HEATR3: variants seen among roughly 807,000 people sequenced by gnomAD.
HEATR3 encodes the protein HEAT repeat containing 3.
HEATR3 carries 56 observed loss-of-function variants against 72.8 expected under a neutral mutation model. The ratio of observed to expected loss-of-function variants is 0.77; its 90% CI spans 0.62 to 0.96. The LOEUF (loss-of-function observed/expected upper bound fraction) is 0.96. Ranked by LOEUF, HEATR3 falls within the 40% of genes least tolerant of loss-of-function variation. HEATR3 has a pLI of 0.00. For synonymous variants in HEATR3, 331 were observed against 318.1 expected (o/e 1.04, Z -0.43); for missense variants, 747 against 831.4 (o/e 0.90, Z 1.25).
At chr16:50,103,055 G>T (rs1340960559) in intron 14 of HEATR3, among the ~76,000 whole-genome samples, 5 of 152,198 alleles carry the variant, frequency 3.3e-5, no homozygotes, top group South Asian at 2.1e-4. Flanking sequence ...GAGCCACTGT[G>T]CCCAGCCATA....
At chr16:50,068,373 C>T (rs2036543688) in intron 2 of HEATR3, among the ~76,000 whole-genome samples, 2 of 152,132 alleles carry the variant, frequency 1.3e-5, no homozygotes, top group African/African-American at 2.4e-5. Context: ...TTCCTGAGCT[C>T]AATTGATCCT....
intron 12 of HEATR3, among the ~76,000 whole-genome samples, chr16:50,097,515 C>G (rs1388530161): frequency 1.3e-5 from 2 of 151,800 alleles, no homozygotes; most frequent in Non-Finnish European, 2.9e-5. Flanking sequence ...GTAGGAGTCC[C>G]TTCAAATTGG....
rs56374170 is a variant in HEATR3, at chr16:50,077,877, A to AT, written c.764-847dup. The stretch of plus-strand genomic sequence containing the variant: ...TACGGCTGCTGTGAAAATGGATGTA[A>AT]TTTTTTTTTTTTTTTTTGAAACAGA... On this transcript the variant is annotated intron_variant, in intron 6 of 14. Coordinates refer to ENST00000299192, the MANE Select transcript of HEATR3 (RefSeq NM_182922.4). Among the ~76,000 whole-genome samples the AT allele has an allele frequency of 7.3e-4, 76 of 104,326 alleles. 6 individuals carry two copies. The highest frequency in any genetic ancestry group is 2.6e-3 in the African/African-American group (68 of 26,600). The allele number at this position is 104,326 out of a possible 152,430, so 68.4% of individuals were successfully genotyped here.
chr16:50,075,783 T>C (rs2036714264), intron 6 of HEATR3, 72 bp downstream of exon 6: 2 of 1,336,542 alleles, frequency 1.5e-6, no homozygotes, highest in Non-Finnish European at 2.1e-6. Flanking sequence ...GGGCAAAATT[T>C]AGTCATTCAT....
intron 12 of HEATR3, among the ~76,000 whole-genome samples, chr16:50,097,744 G>A (rs556253475): frequency 9.3e-4 from 141 of 152,000 alleles, no homozygotes; most frequent in Non-Finnish European, 1.7e-3. Context: ...GCGAAACTCC[G>A]TCTCTACTGA....
intron 7 of HEATR3, among the ~76,000 whole-genome samples, chr16:50,080,722 C>T (rs190331430): frequency 3.9e-5 from 6 of 152,220 alleles, no homozygotes; most frequent in Admixed American, 2.6e-4. Flanking sequence ...CTTCCCACCT[C>T]GGCCTCTCAA....
At chr16:50,088,825 C>G (rs1358094595) in intron 11 of HEATR3, among the ~76,000 whole-genome samples, 1 of 152,162 alleles carries the variant, frequency 6.6e-6, no homozygotes, top group Non-Finnish European at 1.5e-5. Context: ...CCCCAAGTCT[C>G]TCACTGCTTC....
In HEATR3 at chr16:50,066,273, A is replaced by G; in HGVS notation, c.138+4A>G. ...GGCGGCGGAGCTGCTGGAAAAGGTG[A>G]GGCGAGGGCTCCGTCGGGCCGGGAG... On this transcript the variant is annotated splice_donor_region_variant and intron_variant, in intron 1 of 14. Coordinates refer to ENST00000299192, the MANE Select transcript of HEATR3 (RefSeq NM_182922.4). 6.4e-7 allele frequency: 1 copy of G among 1,572,220 alleles called. No homozygotes were observed. The highest frequency in any genetic ancestry group is 1.2e-5 in the South Asian group (1 of 86,910).
chr16:50,096,466 G>A (rs867773172), intron 12 of HEATR3, among the ~76,000 whole-genome samples: 12 of 151,924 alleles, frequency 7.9e-5, no homozygotes, highest in South Asian at 2.1e-4. Flanking sequence ...AAATTTTACT[G>A]AGATTTGATT....
intron 6 of HEATR3, among the ~76,000 whole-genome samples, chr16:50,077,183 T>A (rs936587174): frequency 5.9e-5 from 9 of 152,144 alleles, no homozygotes; most frequent in Non-Finnish European, 7.4e-5. Context: ...CTAATTTTTT[T>A]ATTTTTTTAG....
chr16:50,106,277 C>T lies in HEATR3; in HGVS notation c.*1216C>T, dbSNP rs926740489. The T allele has an allele frequency of 5.9e-5, 9 of 152,178 alleles. No homozygotes were observed. Among genetic ancestry groups the T allele is most frequent in the Admixed American group, 5.2e-4 (8 of 15,278 alleles). 9.4% of individuals were successfully genotyped at this position (152,178 alleles called of 1,614,324 possible). On this transcript the variant is annotated 3_prime_UTR_variant, in exon 15 of 15. Coordinates refer to ENST00000299192, the MANE Select transcript of HEATR3 (RefSeq NM_182922.4). ...AGCTAATGGGGTCATTGCCATCCTCCCTACTCATGACTTTGATGAGTTATT... is the reference window on the plus strand; with the variant it reads ...AGCTAATGGGGTCATTGCCATCCTCTCTACTCATGACTTTGATGAGTTATT...
At chr16:50,077,191 T>A (rs2036754701) in intron 6 of HEATR3, among the ~76,000 whole-genome samples, 1 of 151,558 alleles carries the variant, frequency 6.6e-6, no homozygotes, top group African/African-American at 2.4e-5. Flanking sequence ...TTTATTTTTT[T>A]AGTAGAGACG....
Position 50,075,729 on chromosome 16 carries a change from G to A in HEATR3, c.763+18G>A, listed in dbSNP as rs200605948. On this transcript the variant is annotated intron_variant, in intron 6 of 14. Coordinates refer to ENST00000299192, the MANE Select transcript of HEATR3 (RefSeq NM_182922.4). ...GGTAGCAGGTAAAATTTAGCCTTAC[G>A]GCATAGTATATTGTTTCAGTAGCTT... The A allele has an allele frequency of 9.2e-5, 148 of 1,603,776 alleles. No individual in the cohort carries two copies. In the East Asian group the frequency reaches 1.3e-3, roughly 14 times the overall value.
chr16:50,097,707 G>A (rs1028884176), intron 12 of HEATR3, among the ~76,000 whole-genome samples: 6 of 152,062 alleles, frequency 3.9e-5, no homozygotes, highest in Admixed American at 1.3e-4. Context: ...TTGAGGTCAG[G>A]AGTTTGAGAC....
intron 12 of HEATR3, among the ~76,000 whole-genome samples, chr16:50,098,766 T>A (rs935493086): frequency 3.3e-5 from 5 of 151,980 alleles, no homozygotes; most frequent in African/African-American, 1.2e-4. Context: ...TACTTTGTAG[T>A]AGTGACATTA....
chr16:50,086,154 T>G (rs2036981460), intron 10 of HEATR3, 61 bp from the exon 11 acceptor site: 1 of 1,472,372 alleles, frequency 6.8e-7, no homozygotes, highest in African/African-American at 1.4e-5. Flanking sequence ...TAAAAGTTAA[T>G]ACTGAATTCT....
At chr16:50,100,167 T>A (rs1420233646) in intron 12 of HEATR3, 63 bp from the exon 13 acceptor site, 1 of 1,526,490 alleles carries the variant, frequency 6.6e-7, no homozygotes, top group Admixed American at 1.9e-5. Flanking sequence ...AGTCCGGTTT[T>A]CACATGCTGA....
intron 3 of HEATR3, among the ~76,000 whole-genome samples, chr16:50,069,591 A>G (rs1390814604): frequency 6.6e-6 from 1 of 152,148 alleles, no homozygotes; most frequent in African/African-American, 2.4e-5. Context: ...GGATGCTGCT[A>G]AACATCCCCA....
rs780591017 is a variant in HEATR3, at chr16:50,072,734, T to C, written c.622+20T>C. On this transcript the variant is annotated intron_variant, in intron 5 of 14. Transcript: ENST00000299192. ...CAGTAGGTAAGTGAAGAAAAGGTGA[T>C]GACTTATTAAGAATGTGTAGCCTTA... The C allele has an allele frequency of 4.3e-6, 6 of 1,411,702 alleles. 1 individual carries two copies. Among genetic ancestry groups the C allele is most frequent in the Non-Finnish European group, 3.0e-6 (3 of 994,842 alleles). The allele number at this position is 1,411,702 out of a possible 1,614,324, so 87.4% of individuals were successfully genotyped here.
Sources: allele counts gnomAD v4.1 joint callset (sites outside exome capture counted in the v4.1 genomes callset), GRCh38; gene constraint gnomAD v4.1.1; transcripts MANE v1.5; gene names NCBI Gene and HGNC (gene_info 2026-07-23, HGNC 2026-07-21).